Variants in MYO16 observed in about 807,000 individuals in gnomAD.
MYO16 encodes unconventional myosin-XVI.
A neutral mutation model predicts 205.3 loss-of-function variants in MYO16; 94 were observed. The observed-to-expected ratio is 0.46, with a 90% CI of 0.39 to 0.54. The LOEUF is 0.54. Among genes scored for constraint, MYO16 ranks in the 20% least tolerant of loss-of-function variants. The pLI, the probability that MYO16 is intolerant of heterozygous loss-of-function variation, is 0.00. For missense variants in MYO16, 2,315 were observed against 2,387.5 expected (o/e 0.97, Z 0.63); for synonymous variants, 988 against 954.0 (o/e 1.04, Z -0.66).
At chr13:108,809,904 C>T (rs1887233842) in intron 7 of MYO16, among the ~76,000 whole-genome samples, 1 of 152,130 alleles carries the variant, frequency 6.6e-6, no homozygotes, top group South Asian at 2.1e-4. Flanking sequence ...ACCTTGGGGC[C>T]ACCAATTATT....
chr13:109,134,361 A>G, intron 31 of MYO16, among the ~76,000 whole-genome samples: 1 of 152,346 alleles, frequency 6.6e-6, no homozygotes, highest in Non-Finnish European at 1.5e-5. Flanking sequence ...GGAATACTGT[A>G]CCAGTTATGT....
chr13:109,022,261 A>G (rs277859), intron 23 of MYO16, among the ~76,000 whole-genome samples: 1,484 of 131,314 alleles, frequency 0.011, 78 homozygotes, highest in African/African-American at 0.045. Context: ...ACAAATATAT[A>G]TACATATACA....
intron 33 of MYO16, among the ~76,000 whole-genome samples, chr13:109,165,809 G>T (rs1878632484): frequency 6.6e-6 from 1 of 152,200 alleles, no homozygotes; most frequent in Non-Finnish European, 1.5e-5. Context: ...AAGTCAAGTT[G>T]TGCTTCTGAC....
chr13:108,919,512 T>C (rs1881648039), intron 16 of MYO16, among the ~76,000 whole-genome samples: 1 of 73,462 alleles, frequency 1.4e-5, no homozygotes, highest in African/African-American at 4.3e-5. Context: ...TTTGACATCT[T>C]CTCCTTTAGG....
chr13:109,038,413 G>T (rs933579718), intron 23 of MYO16, among the ~76,000 whole-genome samples: 1 of 152,082 alleles, frequency 6.6e-6, no homozygotes, highest in African/African-American at 2.4e-5. Context: ...TTGACTGCTT[G>T]AGCTACAATA....
intron 23 of MYO16, among the ~76,000 whole-genome samples, chr13:109,033,196 C>T (rs1383812718): frequency 4.6e-5 from 7 of 152,100 alleles, no homozygotes; most frequent in Non-Finnish European, 1.0e-4. Flanking sequence ...ACCCTTTGCC[C>T]AGGGCTCCGT....
chr13:108,682,535 T>C (rs1035211244), intron 2 of MYO16, among the ~76,000 whole-genome samples: 1 of 152,056 alleles, frequency 6.6e-6, no homozygotes, highest in Non-Finnish European at 1.5e-5. Flanking sequence ...TATACTAGTA[T>C]ATGTAATCAA....
chr13:108,976,769 G>A lies in MYO16; in HGVS notation c.2369+11867G>A, dbSNP rs78886079. ...CCCGACTTTTCTTTGTCCATTTCATGCATAAAAGCCTCTCTTTTTATATGC... is the reference window on the plus strand; with the variant it reads ...CCCGACTTTTCTTTGTCCATTTCATACATAAAAGCCTCTCTTTTTATATGC... On this transcript the variant is annotated intron_variant, in intron 20 of 34. Transcript: ENST00000457511. Among the ~76,000 whole-genome samples, 880 of 152,212 alleles carry A rather than the reference G, an allele frequency of 5.8e-3. 4 individuals carry two copies. Among genetic ancestry groups the A allele is most frequent in the Non-Finnish European group, 0.01 (691 of 67,990 alleles).
chr13:108,585,919 C>T, the MYO16 span, among the ~76,000 whole-genome samples: 1 of 150,936 alleles, frequency 6.6e-6, no homozygotes, highest in East Asian at 2.0e-4. Flanking sequence ...GGAGAAATAA[C>T]TCGTTTGCTA....
chr13:108,712,542 C>T (rs963617928), intron 2 of MYO16, 119 bp from the exon 3 acceptor site: 7 of 832,574 alleles, frequency 8.4e-6, no homozygotes, highest in East Asian at 2.5e-5. Context: ...GCACAGAAGC[C>T]GTAGTCTTTG....
At chr13:108,706,384 T>C (rs529559546) in intron 2 of MYO16, among the ~76,000 whole-genome samples, 1 of 152,274 alleles carries the variant, frequency 6.6e-6, no homozygotes, top group East Asian at 1.9e-4. Flanking sequence ...GCTGAACATA[T>C]ATCTCAGTGT....
At chr13:109,121,789 C>T (rs1876004267) in intron 29 of MYO16, among the ~76,000 whole-genome samples, 2 of 152,196 alleles carry the variant, frequency 1.3e-5, no homozygotes, top group Non-Finnish European at 2.9e-5. Flanking sequence ...ACCACTTTCA[C>T]CAGGCTGAGG....
chr13:108,967,875 G>C (rs1883856438), intron 20 of MYO16, among the ~76,000 whole-genome samples: 1 of 152,134 alleles, frequency 6.6e-6, no homozygotes, highest in Non-Finnish European at 1.5e-5. Flanking sequence ...ACTACAGTCT[G>C]CTTCCTCACA....
chr13:109,004,790 TA>T lies in MYO16; in HGVS notation c.2443-4106del, dbSNP rs1885335872. ...AAGAAAATATTTTTCATATGATATT[TA>T]GATACTGAATGCCACTCCTCCCTCT... On this transcript the variant is annotated intron_variant, in intron 21 of 34. Coordinates refer to ENST00000457511, the MANE Select transcript of MYO16 (RefSeq NM_001198950.3). Among the ~76,000 whole-genome samples the T allele has an allele frequency of 2.0e-5, 3 of 152,322 alleles. No individual in the cohort carries two copies. In the South Asian group the frequency reaches 6.2e-4, roughly 32 times the overall value.
intron 20 of MYO16, among the ~76,000 whole-genome samples, chr13:108,967,873 CT>C (rs1241974157): frequency 1.3e-5 from 2 of 152,182 alleles, no homozygotes; most frequent in Non-Finnish European, 2.9e-5. Flanking sequence ...TGACTACAGT[CT>C]GCTTCCTCAC....
chr13:108,741,229 G>A (rs112528322), intron 4 of MYO16, among the ~76,000 whole-genome samples: 1,568 of 152,256 alleles, frequency 0.01, 34 homozygotes, highest in African/African-American at 0.036. Context: ...CGTCGCTCAC[G>A]CTGGGAGCTG....
intron 4 of MYO16, among the ~76,000 whole-genome samples, chr13:108,760,138 C>T (rs1330708345): frequency 1.3e-5 from 2 of 152,162 alleles, no homozygotes; most frequent in Non-Finnish European, 2.9e-5. Flanking sequence ...CCCTACCACA[C>T]TATCGAATAC....
chr13:109,011,215 C>T lies in MYO16; in HGVS notation c.2595+2166C>T, dbSNP rs1885585361. On this transcript the variant is annotated intron_variant, in intron 22 of 34. Coordinates refer to ENST00000457511, the MANE Select transcript of MYO16 (RefSeq NM_001198950.3). ...TTGCTTTTGCAGGCATTCCTACTTC[C>T]TTCCTAGTGGCATTCTCCTCTGCAT... Among the ~76,000 whole-genome samples the T allele has an allele frequency of 3.3e-5, 5 of 152,036 alleles. No homozygotes were observed. The South Asian group carries it at 1.0e-3, about 32-fold the overall frequency.
chr13:108,980,741 G>A (rs570874999), intron 20 of MYO16, among the ~76,000 whole-genome samples: 1 of 152,300 alleles, frequency 6.6e-6, no homozygotes, highest in South Asian at 2.1e-4. Context: ...CATTTTCCAA[G>A]CCTGGCATCT....
Sources: gnomAD v4.1 joint callset for allele counts (sites outside exome capture counted in the v4.1 genomes callset) on GRCh38, gnomAD v4.1.1 for gene constraint, MANE v1.5 for transcripts, NCBI Gene and HGNC (gene_info 2026-07-23, HGNC 2026-07-21) for gene names.